The following CADM2 variants were observed in gnomAD, a reference collection of about 807,000 sequenced individuals.
CADM2 encodes the protein immunoglobulin superfamily member 4D.
A neutral mutation model predicts 49.8 loss-of-function variants in CADM2; 12 were observed. That is an observed-to-expected ratio of 0.24 (90% CI 0.15 to 0.39). The LOEUF is 0.39. Ranked by LOEUF, CADM2 falls within the 10% of genes least tolerant of loss-of-function variation. The pLI, the probability that CADM2 is intolerant of heterozygous loss-of-function variation, is 1.00. For synonymous variants in CADM2, 214 were observed against 175.4 expected (o/e 1.22, Z -1.74); for missense variants, 378 against 492.3 (o/e 0.77, Z 2.20).
intron 3 of CADM2, among the ~76,000 whole-genome samples, chr3:85,844,558 A>G (rs73845697): frequency 0.051 from 7,695 of 152,224 alleles, 551 homozygotes; most frequent in African/African-American, 0.16. Flanking sequence ...TTGGAACAAT[A>G]TAAGTGCAAC....
chr3:85,985,825 A>G (rs1410913528), intron 8 of CADM2, among the ~76,000 whole-genome samples: 1 of 152,046 alleles, frequency 6.6e-6, no homozygotes, highest in Non-Finnish European at 1.5e-5. Flanking sequence ...TAAATTGAAA[A>G]TAAAACAAAG....
chr3:85,292,484 A>G (rs2106941169), intron 1 of CADM2, among the ~76,000 whole-genome samples: 1 of 151,742 alleles, frequency 6.6e-6, no homozygotes, highest in South Asian at 2.1e-4. Context: ...AACAGAATAT[A>G]CATTTTTTTC....
intron 1 of CADM2, among the ~76,000 whole-genome samples, chr3:85,234,644 C>G (rs1027906371): frequency 6.6e-6 from 1 of 151,940 alleles, no homozygotes; most frequent in East Asian, 1.9e-4. Flanking sequence ...TCCTTAAGTG[C>G]GAAAAATAGA....
intron 1 of CADM2, among the ~76,000 whole-genome samples, chr3:85,510,675 TACTCACTTAACTCACTCAGTTA>T (rs1318864781): frequency 1.3e-5 from 2 of 152,080 alleles, no homozygotes; most frequent in African/African-American, 4.8e-5. Context: ...TTTTATTGGA[TACTCACTTAACTCACTCAGTTA>T]ACTCACTTAA....
At chr3:85,072,554 A>G (rs1202292605) in intron 1 of CADM2, among the ~76,000 whole-genome samples, 3 of 152,054 alleles carry the variant, frequency 2.0e-5, no homozygotes, top group Admixed American at 6.6e-5. Context: ...TAATTCATTC[A>G]TTTCATAGAT....
At chr3:85,821,256 G>C (rs1344305574) in intron 3 of CADM2, among the ~76,000 whole-genome samples, 1 of 152,152 alleles carries the variant, frequency 6.6e-6, no homozygotes, top group Non-Finnish European at 1.5e-5. Flanking sequence ...CAGGAAGATA[G>C]TTAGCAAGAA....
At chr3:86,050,182 G>C (rs1181674734) in intron 8 of CADM2, among the ~76,000 whole-genome samples, 1 of 152,158 alleles carries the variant, frequency 6.6e-6, no homozygotes, top group East Asian at 1.9e-4. Flanking sequence ...CAAAAGAAAG[G>C]GGCTACAGGC....
intron 1 of CADM2, among the ~76,000 whole-genome samples, chr3:85,619,706 T>C (rs2063911629): frequency 6.6e-6 from 1 of 152,148 alleles, no homozygotes; most frequent in South Asian, 2.1e-4. Context: ...TTTTAGAAAT[T>C]TGTTATTTTA....
chr3:85,467,699 C>G (rs886251207), intron 1 of CADM2, among the ~76,000 whole-genome samples: 2 of 152,050 alleles, frequency 1.3e-5, no homozygotes, highest in African/African-American at 2.4e-5. Flanking sequence ...TGTTTTCTCC[C>G]ATATTGGAAA....
At chr3:85,408,602 A>T (rs2035512551) in intron 1 of CADM2, among the ~76,000 whole-genome samples, 1 of 152,202 alleles carries the variant, frequency 6.6e-6, no homozygotes, top group Non-Finnish European at 1.5e-5. Flanking sequence ...TCAAAAATGT[A>T]AACACATAAC....
chr3:85,125,230 G>A (rs372649671), intron 1 of CADM2, among the ~76,000 whole-genome samples: 3 of 152,148 alleles, frequency 2.0e-5, no homozygotes, highest in East Asian at 3.9e-4. Flanking sequence ...AGGAGAACAC[G>A]GTAAACCAAA....
intron 1 of CADM2, among the ~76,000 whole-genome samples, chr3:85,521,467 C>T (rs546887218): frequency 3.9e-5 from 6 of 152,134 alleles, no homozygotes; most frequent in African/African-American, 7.2e-5. Flanking sequence ...TTTATGTTTG[C>T]GTCTTTGTTT....
At chr3:84,994,592 A>G (rs7646952) in intron 1 of CADM2, among the ~76,000 whole-genome samples, 12,146 of 152,218 alleles carry the variant, frequency 0.08, 679 homozygotes, top group Admixed American at 0.18. Flanking sequence ...TAGTTGAGTC[A>G]TAATTTACAT....
chr3:85,546,009 A>C (rs2061663353), intron 1 of CADM2, among the ~76,000 whole-genome samples: 1 of 152,190 alleles, frequency 6.6e-6, no homozygotes, highest in Non-Finnish European at 1.5e-5. Context: ...TTTTAGAGGA[A>C]GTATTTTATT....
chr3:85,934,188 T>C (rs554730254), intron 6 of CADM2, among the ~76,000 whole-genome samples: 4 of 152,176 alleles, frequency 2.6e-5, no homozygotes, highest in South Asian at 2.1e-4. Flanking sequence ...GGAAAATAAA[T>C]GTTGCTATAT....
intron 1 of CADM2, among the ~76,000 whole-genome samples, chr3:84,962,775 ATTCTC>A (rs1257872736): frequency 6.6e-6 from 1 of 152,156 alleles, no homozygotes; most frequent in Non-Finnish European, 1.5e-5. Flanking sequence ...ATGTATTACT[ATTCTC>A]TTTCTTTCAG....
rs34756757 is a variant in CADM2, at chr3:85,652,772, CTTTTTTT to C, written c.62-73732_62-73726del. ...TAACCTGAAAATCTTTTTTTCTTTT[CTTTTTTT>C]TTTTTTTTTTTTTTTTTAGACAGAG... is the stretch of plus-strand genomic sequence containing the variant. On this transcript the variant is annotated intron_variant, in intron 1 of 9. Coordinates refer to ENST00000383699, the MANE Select transcript of CADM2 (RefSeq NM_001167675.2). Among the ~76,000 whole-genome samples the C allele has an allele frequency of 1.7e-3, 84 of 50,786 alleles. 1 individual carries two copies. Among genetic ancestry groups the C allele is most frequent in the African/African-American group, 5.1e-3 (65 of 12,756 alleles). 33.3% of individuals were successfully genotyped at this position (50,786 alleles called of 152,430 possible). A position where few individuals can be genotyped will look rare whatever the true frequency, so the allele number is the denominator to read the frequency against.
intron 1 of CADM2, among the ~76,000 whole-genome samples, chr3:85,385,160 C>G (rs1470867570): frequency 6.6e-6 from 1 of 152,096 alleles, no homozygotes; most frequent in African/African-American, 2.4e-5. Context: ...GTCTCAAGCT[C>G]CTGTCCTCAG....
chr3:85,932,214 G>A (rs920159173), intron 6 of CADM2, among the ~76,000 whole-genome samples: 24 of 152,020 alleles, frequency 1.6e-4, no homozygotes, highest in Non-Finnish European at 3.2e-4. Flanking sequence ...ACAAAGAAAC[G>A]AGGTATCGGG....
Sources: gnomAD v4.1 joint callset for allele counts (sites outside exome capture counted in the v4.1 genomes callset) on GRCh38, gnomAD v4.1.1 for gene constraint, MANE v1.5 for transcripts, NCBI Gene and HGNC (gene_info 2026-07-23, HGNC 2026-07-21) for gene names.